CCDC171: variants seen among roughly 807,000 people sequenced by gnomAD.
The protein encoded by CCDC171 is coiled-coil domain-containing protein 171.
In CCDC171, 177 loss-of-function variants were observed where a neutral mutation model predicts 168.2. The observed-to-expected ratio is 1.05, with a 90% confidence interval of 0.93 to 1.19. CCDC171 has a LOEUF of 1.19. CCDC171 is among the 50% of genes most tolerant of loss of function. CCDC171 has a pLI of 0.00. For synonymous variants in CCDC171, 687 were observed against 540.8 expected (o/e 1.27, Z -3.75); for missense variants, 1,991 against 1,539.0 (o/e 1.29, Z -4.91).
chr9:15,984,115 G>A (rs1831903043), intron 3 of CCDC171, among the ~76,000 whole-genome samples: 1 of 152,194 alleles, frequency 6.6e-6, no homozygotes, highest in South Asian at 2.1e-4. Flanking sequence ...GCCCAGGTGG[G>A]CAACAAGATA....
intron 21 of CCDC171, among the ~76,000 whole-genome samples, chr9:15,826,253 A>G (rs1485934596): frequency 6.6e-6 from 1 of 152,056 alleles, no homozygotes; most frequent in Non-Finnish European, 1.5e-5. Context: ...ATAATAAACA[A>G]TTATTTAAGT....
At chr9:15,939,866 A>G (rs1827525057) in intron 25 of CCDC171, among the ~76,000 whole-genome samples, 1 of 151,918 alleles carries the variant, frequency 6.6e-6, no homozygotes, top group Non-Finnish European at 1.5e-5. Context: ...GTAGTTAAGT[A>G]TGTCATAAAG....
intron 2 of CCDC171, among the ~76,000 whole-genome samples, chr9:15,569,705 C>A (rs2040047483): frequency 6.6e-6 from 1 of 151,552 alleles, no homozygotes; most frequent in Admixed American, 6.6e-5. Context: ...GTCCCAGCTG[C>A]TCGGGAGGCT....
intron 25 of CCDC171, among the ~76,000 whole-genome samples, chr9:15,929,939 A>G (rs1010198353): frequency 1.3e-5 from 2 of 151,646 alleles, no homozygotes; most frequent in African/African-American, 4.8e-5. Flanking sequence ...CCATTGTTCA[A>G]TTGGCAGAAG....
chr9:15,675,917 T>G (rs201544692), intron 9 of CCDC171, among the ~76,000 whole-genome samples: 1 of 152,138 alleles, frequency 6.6e-6, no homozygotes, highest in Non-Finnish European at 1.5e-5. Flanking sequence ...GAATGTTGTC[T>G]TGTCTTGCTA....
intron 23 of CCDC171, among the ~76,000 whole-genome samples, chr9:15,864,388 C>T (rs576370689): frequency 6.6e-4 from 101 of 152,070 alleles, no homozygotes; most frequent in African/African-American, 2.4e-3. Flanking sequence ...TATACATGTG[C>T]CATGTTGGTG....
intron 18 of CCDC171, among the ~76,000 whole-genome samples, chr9:15,757,596 T>A (rs1171920324): frequency 1.3e-5 from 2 of 152,184 alleles, no homozygotes; most frequent in Non-Finnish European, 2.9e-5. Flanking sequence ...GAAATTTGCT[T>A]AAGTAACAAT....
chr9:15,672,871 G>T (rs898603716), intron 9 of CCDC171, among the ~76,000 whole-genome samples: 60 of 152,186 alleles, frequency 3.9e-4, no homozygotes, highest in Non-Finnish European at 7.2e-4. Context: ...CTTTAAAGTA[G>T]TTTTTTCCAG....
intron 10 of CCDC171, among the ~76,000 whole-genome samples, chr9:15,679,494 G>A (rs940103031): frequency 6.6e-6 from 1 of 151,754 alleles, no homozygotes; most frequent in African/African-American, 2.4e-5. Flanking sequence ...TTTTGCCTTT[G>A]CCCTCTGTCT....
At chr9:15,777,350 C>G (rs2057382447) in intron 18 of CCDC171, among the ~76,000 whole-genome samples, 1 of 152,128 alleles carries the variant, frequency 6.6e-6, no homozygotes, top group Non-Finnish European at 1.5e-5. Flanking sequence ...TAGTGTCATG[C>G]TATTCCATGT....
chr9:15,559,976 C>A (rs976713612), intron 1 of CCDC171, among the ~76,000 whole-genome samples: 12 of 152,072 alleles, frequency 7.9e-5, no homozygotes, highest in African/African-American at 2.9e-4. Context: ...GATTTTATTT[C>A]TCCTTCACTT....
At chr9:15,895,179 G>T (rs960055396) in intron 24 of CCDC171, among the ~76,000 whole-genome samples, 1 of 152,094 alleles carries the variant, frequency 6.6e-6, no homozygotes, top group Non-Finnish European at 1.5e-5. Flanking sequence ...AATAATTCCT[G>T]TTTTTCAAGG....
In CCDC171 at chr9:15,981,417, G is replaced by A. The variant is rs183558895; in HGVS notation, n.369-39172G>A. Among the ~76,000 whole-genome samples, 3 of 152,318 alleles carry A rather than the reference G, an allele frequency of 2.0e-5. No homozygotes were observed. In the East Asian group the frequency reaches 5.8e-4, roughly 29 times the overall value. On this transcript the variant is annotated intron_variant and non_coding_transcript_variant, in intron 3 of 9. Transcript: ENST00000486641. The stretch of plus-strand genomic sequence containing the variant: ...TAGCACTTTGATTTTGGACTTCCCA[G>A]CCTCCTGAAATAAATGTTCATTGCT...
the CCDC171 span, among the ~76,000 whole-genome samples, chr9:16,070,922 T>C: frequency 6.6e-6 from 1 of 152,144 alleles, no homozygotes; most frequent in Non-Finnish European, 1.5e-5. Flanking sequence ...ATTTTTGGCT[T>C]GTGACCCAGG....
chr9:15,583,469 A>G (rs2041301310), intron 4 of CCDC171, among the ~76,000 whole-genome samples: 1 of 152,184 alleles, frequency 6.6e-6, no homozygotes, highest in South Asian at 2.1e-4. Context: ...CTGAGCCATA[A>G]AAAGAACGAA....
At chr9:15,625,471 T>C (rs1452183971) in intron 7 of CCDC171, among the ~76,000 whole-genome samples, 1 of 152,242 alleles carries the variant, frequency 6.6e-6, no homozygotes, top group Non-Finnish European at 1.5e-5. Context: ...AAGTCTTTAA[T>C]CCATCTTGAA....
At chr9:16,024,156 C>T (rs1285815679) in intron 6 of CCDC171, among the ~76,000 whole-genome samples, 1 of 152,126 alleles carries the variant, frequency 6.6e-6, no homozygotes, top group African/African-American at 2.4e-5. Flanking sequence ...GCAGCTCTGT[C>T]TACACCTTGA....
At chr9:15,854,374 T>C (rs2130863741) in intron 23 of CCDC171, among the ~76,000 whole-genome samples, 1 of 151,698 alleles carries the variant, frequency 6.6e-6, no homozygotes, top group African/African-American at 2.4e-5. Context: ...ATGTGACTTG[T>C]TGATATCCCA....
chr9:15,736,043 C>G (rs1046007402), intron 16 of CCDC171, among the ~76,000 whole-genome samples: 13 of 152,064 alleles, frequency 8.5e-5, no homozygotes, highest in African/African-American at 2.9e-4. Context: ...AGTATCATTT[C>G]TATTTTACAA....
Sources: gnomAD v4.1 joint callset for allele counts (sites outside exome capture counted in the v4.1 genomes callset) on GRCh38, gnomAD v4.1.1 for gene constraint, MANE v1.5 for transcripts, NCBI Gene and HGNC (gene_info 2026-07-23, HGNC 2026-07-21) for gene names.